Variants in ACACA observed in about 807,000 individuals in gnomAD.
ACACA encodes acetyl-CoA carboxylase alpha.
ACACA carries 103 observed loss-of-function variants against 296.1 expected under a neutral mutation model. The ratio of observed to expected loss-of-function variants is 0.35; its 90% CI spans 0.30 to 0.41. The LOEUF (loss-of-function observed/expected upper bound fraction) is 0.41. Among genes scored for constraint, ACACA ranks in the 10% least tolerant of loss-of-function variants. ACACA has a pLI of 1.00. For missense variants in ACACA, 1,554 were observed against 2,989.7 expected (o/e 0.52, Z 11.20); for synonymous variants, 953 against 1,038.6 (o/e 0.92, Z 1.58).
chr17:37,274,379 G>C, intron 8 of ACACA, 80 bp from the exon 9 acceptor site: 4 of 1,340,156 alleles, frequency 3.0e-6, no homozygotes, highest in Non-Finnish European at 4.3e-6. Context: ...TCTTTGAAAT[G>C]CTATCATATT....
chr17:37,248,722 T>G (rs749641675), intron 16 of ACACA, 48 bp from the exon 17 acceptor site: 17 of 1,311,194 alleles, frequency 1.3e-5, no homozygotes, highest in Non-Finnish European at 1.8e-5. Flanking sequence ...CTAACAGTTA[T>G]AAGAGAATCT....
chr17:37,258,261 G>A lies in ACACA; in HGVS notation c.1613C>T (p.Pro538Leu). The A allele has an allele frequency of 6.2e-7, 1 of 1,614,060 alleles. No individual in the cohort carries two copies. The highest frequency in any genetic ancestry group is 8.5e-7 in the Non-Finnish European group (1 of 1,179,992). Reference protein sequence around the residue: ...DFEDSAHVPCPRGHVIAARIT... With the variant: ...DFEDSAHVPCLRGHVIAARIT... The stretch of plus-strand genomic sequence containing the variant: ...CCGAGCAGCAATAACATGGCCCCTT[G>A]GACAAGGAACGTGTGCAGAATCTTC... Residue 538 changes from proline (P) to leucine (L), a missense_variant, in exon 13 of 56, where the codon CCA (proline) becomes CTA (leucine). By Grantham distance (98) the Pro-to-Leu change is moderately conservative. This residue lies in a region of ACACA where 37 missense variants were observed against 49.9 expected (regional missense o/e 0.74). Coordinates refer to ENST00000616317, the MANE Select transcript of ACACA (RefSeq NM_198834.3).
chr17:37,170,086 G>C (rs2076828827), intron 41 of ACACA, among the ~76,000 whole-genome samples: 1 of 152,016 alleles, frequency 6.6e-6, no homozygotes, highest in Non-Finnish European at 1.5e-5. Context: ...TTTAATTTCA[G>C]ATCATTTTTC....
intron 29 of ACACA, among the ~76,000 whole-genome samples, chr17:37,212,355 A>G (rs2145483459): frequency 6.6e-6 from 1 of 152,338 alleles, no homozygotes; most frequent in South Asian, 2.1e-4. Flanking sequence ...GGCTTTCTCC[A>G]TCAGCAACTC....
chr17:37,242,805 G>A (rs989175926), intron 22 of ACACA, among the ~76,000 whole-genome samples: 2 of 152,134 alleles, frequency 1.3e-5, no homozygotes, highest in Non-Finnish European at 2.9e-5. Flanking sequence ...TTGGGAGGCC[G>A]AGGTGGGCGG....
chr17:37,398,327 C>A (rs991996093), intron 1 of ACACA, among the ~76,000 whole-genome samples: 2 of 121,844 alleles, frequency 1.6e-5, no homozygotes, highest in African/African-American at 3.1e-5. Context: ...GCTCTTGTTG[C>A]CCAGGCTGGA....
chr17:37,155,563 T>A, intron 43 of ACACA, 120 bp downstream of exon 43: 1 of 765,034 alleles, frequency 1.3e-6, no homozygotes, highest in Non-Finnish European at 2.3e-6. Context: ...ACCTAAAACA[T>A]CTAGATTATG....
At chr17:37,252,723 C>T (rs2081051822) in intron 15 of ACACA, among the ~76,000 whole-genome samples, 163 bp downstream of exon 15, 2 of 152,194 alleles carry the variant, frequency 1.3e-5, no homozygotes, top group African/African-American at 4.8e-5. Context: ...GACACAAGCA[C>T]AGGAACCATC....
chr17:37,396,805 C>T (rs572056206), intron 1 of ACACA, among the ~76,000 whole-genome samples: 58 of 152,252 alleles, frequency 3.8e-4, no homozygotes, highest in African/African-American at 1.3e-3. Flanking sequence ...TCCACTCCCA[C>T]TTTCAAAAAG....
intron 50 of ACACA, among the ~76,000 whole-genome samples, chr17:37,120,501 G>A (rs1439065366): frequency 4.0e-5 from 6 of 151,802 alleles, no homozygotes; most frequent in Non-Finnish European, 8.8e-5. Flanking sequence ...TGGACCTCAA[G>A]TGATCCACCT....
intron 3 of ACACA, among the ~76,000 whole-genome samples, chr17:37,320,106 C>T (rs1234575195): frequency 6.6e-6 from 1 of 152,044 alleles, no homozygotes; most frequent in African/African-American, 2.4e-5. Context: ...GCCTGGACAA[C>T]AGAGAGAAAC....
At chr17:37,094,798 G>C (rs1373856335) in intron 54 of ACACA, among the ~76,000 whole-genome samples, 4 of 152,210 alleles carry the variant, frequency 2.6e-5, no homozygotes, top group Non-Finnish European at 5.9e-5. Flanking sequence ...TTCAGTCCTT[G>C]GCATTCCTCT....
chr17:37,386,670 T>C (rs12938498), intron 1 of ACACA, among the ~76,000 whole-genome samples: 1,819 of 152,290 alleles, frequency 0.012, 48 homozygotes, highest in African/African-American at 0.041. Context: ...ATCATTTATC[T>C]CCACGCAAAT....
chr17:37,233,239 C>G (rs1323891520), intron 25 of ACACA, among the ~76,000 whole-genome samples: 1 of 152,222 alleles, frequency 6.6e-6, no homozygotes, highest in Non-Finnish European at 1.5e-5. Context: ...CATTTTCTCT[C>G]TCCATCACAC....
At chr17:37,406,158 T>G in intron 1 of ACACA, 104 bp downstream of exon 1, 3 of 1,314,078 alleles carry the variant, frequency 2.3e-6, no homozygotes, top group Non-Finnish European at 3.3e-6. Context: ...TGAGACCGTA[T>G]GTGTAACCTG....
At chr17:37,350,337 A>G (rs1227937699) in intron 1 of ACACA, among the ~76,000 whole-genome samples, 2 of 145,358 alleles carry the variant, frequency 1.4e-5, no homozygotes, top group Admixed American at 6.8e-5. Flanking sequence ...TCAAAAAAAG[A>G]AAAAAAAAAC....
At chr17:37,373,243 A>G (rs1342906474) in intron 1 of ACACA, among the ~76,000 whole-genome samples, 1 of 151,824 alleles carries the variant, frequency 6.6e-6, no homozygotes, top group East Asian at 1.9e-4. Flanking sequence ...GCCTACTCCA[A>G]TATGCAGGCT....
At chr17:37,402,337 A>C (rs2051319575) in intron 1 of ACACA, among the ~76,000 whole-genome samples, 1 of 152,114 alleles carries the variant, frequency 6.6e-6, no homozygotes, top group Non-Finnish European at 1.5e-5. Context: ...TGGCAAAAAA[A>C]ACCTTGAAGT....
intron 25 of ACACA, among the ~76,000 whole-genome samples, chr17:37,227,647 T>C (rs1428478514): frequency 2.0e-5 from 3 of 152,130 alleles, no homozygotes; most frequent in South Asian, 2.1e-4. Flanking sequence ...GGCGTGCGGA[T>C]CACGAGGTCG....
Sources: gnomAD v4.1 joint callset for allele counts (sites outside exome capture counted in the v4.1 genomes callset) on GRCh38, gnomAD v4.1.1 for gene constraint, gnomAD v4.1.1 regional missense constraint, MANE v1.5 for transcripts, NCBI Gene and HGNC (gene_info 2026-07-23, HGNC 2026-07-21) for gene names.